GTPBP10: variants seen among roughly 807,000 people sequenced by gnomAD.
GTPBP10 encodes GTP-binding protein 10.
A neutral mutation model predicts 44.8 loss-of-function variants in GTPBP10; 38 were observed. The ratio of observed to expected loss-of-function variants is 0.85; its 90% CI spans 0.65 to 1.11. GTPBP10 has a LOEUF of 1.11. Among genes scored for constraint, GTPBP10 ranks in the 50% most tolerant of loss-of-function variants. The pLI, the probability that GTPBP10 is intolerant of heterozygous loss-of-function variation, is 0.00. For missense variants in GTPBP10, 462 were observed against 453.7 expected (o/e 1.02, Z -0.17); for synonymous variants, 152 against 150.6 (o/e 1.01, Z -0.07).
intron 4 of GTPBP10, among the ~76,000 whole-genome samples, chr7:90,362,159 T>C (rs943981874): frequency 4.6e-5 from 7 of 152,206 alleles, no homozygotes; most frequent in African/African-American, 1.4e-4. Context: ...CTTAGTTATT[T>C]CTTGCTTTCT....
intron 2 of GTPBP10, 70 bp downstream of exon 2, chr7:90,353,079 A>G: frequency 1.0e-6 from 1 of 984,208 alleles, no homozygotes; most frequent in East Asian, 2.7e-5. Context: ...TTTAGTTACA[A>G]AATAAAAACT....
In GTPBP10 at chr7:90,390,608, T is replaced by A. The variant is rs1320870644; in HGVS notation, c.*5454T>A. The A allele has an allele frequency of 1.3e-5, 2 of 152,218 alleles. No individual in the cohort carries two copies. Among genetic ancestry groups the A allele is most frequent in the African/African-American group, 2.4e-5 (1 of 41,448 alleles). 9.4% of individuals were successfully genotyped at this position (152,218 alleles called of 1,614,324 possible). ...AATTTGAAGAACAGGACATGCAGCT[T>A]ATGTTATAATTAATTTGCGAGCAAT... On this transcript the variant is annotated 3_prime_UTR_variant, in exon 10 of 10. Transcript: ENST00000222511.
intron 9 of GTPBP10, 78 bp downstream of exon 9, chr7:90,383,157 AACTG>A (rs1796461856): frequency 9.3e-7 from 1 of 1,075,848 alleles, no homozygotes; most frequent in Admixed American, 2.9e-5. Context: ...ATCAGTGGAA[AACTG>A]ACAGTTTCTG....
rs115839701 is a variant in GTPBP10 at position 90,371,130 on chromosome 7, T to A, written c.465-1025T>A. On this transcript the variant is annotated intron_variant, in intron 4 of 9. Coordinates refer to ENST00000222511, the MANE Select transcript of GTPBP10 (RefSeq NM_033107.4). ...GTCATTGCATTGTTTAAAGTTATTT[T>A]AAAAAAACAAATAATACACACTTGT... The A allele has an allele frequency of 3.9e-3, 3,299 of 838,776 alleles. 77 individuals are homozygous for A. In the African/African-American group the frequency reaches 0.052, roughly 13 times the overall value. The allele number at this position is 838,776 out of a possible 1,614,324, so 52.0% of individuals were successfully genotyped here. A position where few individuals can be genotyped will look rare whatever the true frequency, so the allele number is the denominator to read the frequency against.
At chr7:90,371,010 G>GATAAATAAATAA (rs10525850) in intron 4 of GTPBP10, among the ~76,000 whole-genome samples, 3,272 of 145,046 alleles carry the variant, frequency 0.023, 58 homozygotes, top group Non-Finnish European at 0.03. Context: ...CATCTCAATA[G>GATAAATAAATAA]ATAAATAAAT....
chr7:90,368,657 C>T (rs1796185920), intron 4 of GTPBP10, among the ~76,000 whole-genome samples: 1 of 152,192 alleles, frequency 6.6e-6, no homozygotes, highest in Non-Finnish European at 1.5e-5. Flanking sequence ...CATTTAAGGA[C>T]TTCTCTACAC....
At chr7:90,349,167 T>G (rs1164997125) in intron 1 of GTPBP10, among the ~76,000 whole-genome samples, 1 of 152,250 alleles carries the variant, frequency 6.6e-6, no homozygotes, top group East Asian at 1.9e-4. Context: ...ACTTACTGTT[T>G]GGGGCTTATG....
At chr7:90,367,384 A>G (rs982935722) in intron 4 of GTPBP10, among the ~76,000 whole-genome samples, 5 of 152,140 alleles carry the variant, frequency 3.3e-5, no homozygotes, top group African/African-American at 9.7e-5. Context: ...GTGGGGTGTT[A>G]AAGTCTCCCA....
intron 4 of GTPBP10, among the ~76,000 whole-genome samples, chr7:90,359,606 G>A (rs1795973299): frequency 6.6e-6 from 1 of 152,148 alleles, no homozygotes; most frequent in African/African-American, 2.4e-5. Context: ...AAACATACGT[G>A]TGCATCTGTC....
intron 4 of GTPBP10, among the ~76,000 whole-genome samples, chr7:90,370,397 C>A (rs911568609): frequency 1.3e-5 from 2 of 151,380 alleles, no homozygotes; most frequent in Non-Finnish European, 2.9e-5. Flanking sequence ...TACTACTCAG[C>A]CATAAAAAAG....
chr7:90,379,899 T>C (rs12704530), intron 8 of GTPBP10, among the ~76,000 whole-genome samples: 2 of 152,166 alleles, frequency 1.3e-5, no homozygotes, highest in East Asian at 1.9e-4. Flanking sequence ...ATAGTTCTTA[T>C]TTGCATTTCT....
At chr7:90,355,482 A>G (rs889460613) in intron 4 of GTPBP10, among the ~76,000 whole-genome samples, 5 of 152,208 alleles carry the variant, frequency 3.3e-5, no homozygotes, top group African/African-American at 1.2e-4. Flanking sequence ...GAGAATGCAT[A>G]AAGAAAGAAA....
chr7:90,375,613 G>T (rs1329583330), intron 6 of GTPBP10, among the ~76,000 whole-genome samples: 5 of 152,110 alleles, frequency 3.3e-5, no homozygotes, highest in Non-Finnish European at 5.9e-5. Flanking sequence ...ACAATATTTA[G>T]AGGAAAAGAG....
intron 4 of GTPBP10, among the ~76,000 whole-genome samples, chr7:90,360,414 T>C (rs1367178876): frequency 1.3e-5 from 2 of 152,234 alleles, no homozygotes; most frequent in Non-Finnish European, 2.9e-5. Flanking sequence ...CCCCATTTCT[T>C]GTTTTTGTCA....
At position 90,388,024 on chromosome 7, in the gene GTPBP10, G is replaced by C. The variant is rs1392458320; in HGVS notation, c.*2870G>C. ...AGTAGATGTGTGTTCAGGATTATTT[G>C]CTCTGTCAGTAGTGCCCAGGGTGCC... On this transcript the variant is annotated 3_prime_UTR_variant, in exon 10 of 10. Transcript: ENST00000222511. 6.6e-6 allele frequency: 1 copy of C among 152,104 alleles called. No individual in the cohort carries two copies. Among genetic ancestry groups the C allele is most frequent in the Non-Finnish European group, 1.5e-5 (1 of 68,030 alleles). The allele number at this position is 152,104 out of a possible 1,614,324, so 9.4% of individuals were successfully genotyped here. A position where few individuals can be genotyped will look rare whatever the true frequency, so the allele number is the denominator to read the frequency against.
chr7:90,380,024 A>AATTGTTGAG (rs1321791762), intron 8 of GTPBP10, among the ~76,000 whole-genome samples: 1 of 150,154 alleles, frequency 6.7e-6, no homozygotes, highest in African/African-American at 2.4e-5. Flanking sequence ...TTTGTCTTTT[A>AATTGTTGAG]ATTGTTGAGT....
Position 90,355,095 on chromosome 7 carries a change from A to G in GTPBP10, c.329A>G (p.Asn110Ser), listed in dbSNP as rs42664. 883,709 of 1,562,494 alleles carry G rather than the reference A, an allele frequency of 0.57. 253,713 individuals carry two copies. Among genetic ancestry groups the G allele is most frequent in the East Asian group, 0.6 (26,297 of 43,898 alleles). ...TCTCCCTCTTTTTAAGGAGAACTCA[A>G]TAAAGAAAATGACAGAATTTTGGTA... Reference protein sequence around the residue: ...DENGKIIGELNKENDRILVAQ... With the variant: ...DENGKIIGELSKENDRILVAQ... The change falls in exon 4 of 10, where the codon AAT (asparagine) becomes AGT (serine). Residue 110 changes from asparagine (N) to serine (S), a missense_variant. Coordinates refer to ENST00000222511, the MANE Select transcript of GTPBP10 (RefSeq NM_033107.4).
intron 3 of GTPBP10, 80 bp from the exon 4 acceptor site, chr7:90,355,006 G>A (rs563060478): frequency 1.1e-6 from 1 of 869,758 alleles, no homozygotes; most frequent in East Asian, 2.8e-5. Context: ...TTCTTTGCCT[G>A]TATTTCTGAA....
At chr7:90,348,715 T>A (rs1175240291) in intron 1 of GTPBP10, among the ~76,000 whole-genome samples, 1 of 147,542 alleles carries the variant, frequency 6.8e-6, no homozygotes, top group Non-Finnish European at 1.5e-5. Context: ...ATAATTTCTG[T>A]CATGCTTTTG....
Sources: allele counts gnomAD v4.1 joint callset (sites outside exome capture counted in the v4.1 genomes callset), GRCh38; gene constraint gnomAD v4.1.1; transcripts MANE v1.5; gene names NCBI Gene and HGNC (gene_info 2026-07-23, HGNC 2026-07-21).